The following ZC3H12B variants were observed in gnomAD, a reference collection of about 807,000 sequenced individuals.
The protein encoded by ZC3H12B is probable ribonuclease ZC3H12B.
Under a neutral mutation model 43.9 loss-of-function variants are expected in ZC3H12B, and 7 were observed. That is an observed-to-expected ratio of 0.16 (90% CI 0.09 to 0.30). The LOEUF is 0.30. Among genes scored for constraint, ZC3H12B ranks in the 10% least tolerant of loss-of-function variants. The pLI is 1.00. For synonymous variants in ZC3H12B, 222 were observed against 241.7 expected, an observed-to-expected ratio of 0.92 and a Z score of 0.76; for missense variants, 475 against 670.2, an observed-to-expected ratio of 0.71 and a Z score of 3.22.
chrX:65,105,430 G>T, the ZC3H12B span, among the ~76,000 whole-genome samples: 1 of 111,161 alleles, frequency 9.0e-6, no homozygotes, highest in East Asian at 2.8e-4. Flanking sequence ...TTTAAAAAAA[G>T]AATACAGGAA....
At chrX:65,433,265 A>G (rs1409351351) in intron 3 of ZC3H12B, among the ~76,000 whole-genome samples, 1 of 112,206 alleles carries the variant, frequency 8.9e-6, no homozygotes, top group African/African-American at 3.2e-5. Context: ...TTGAATAGTG[A>G]TGCGATGAGA....
chrX:65,472,825 GATATATATAT>G (rs58372328), intron 3 of ZC3H12B, among the ~76,000 whole-genome samples: 21 of 31,583 alleles, frequency 6.6e-4, no homozygotes, highest in Admixed American at 1.3e-3. Flanking sequence ...CCATACCTTT[GATATATATAT>G]ATATATATAT....
chrX:65,458,085 T>TAAAAAAAAAAAAAAAAAAG (rs59738258), intron 3 of ZC3H12B, among the ~76,000 whole-genome samples: 3 of 49,079 alleles, frequency 6.1e-5, no homozygotes, highest in Admixed American at 2.3e-4. Context: ...AAAAAAAAAT[T>TAAAAAAAAAAAAAAAAAAG]AAAAAAAAAA....
At chrX:65,247,373 A>G in the ZC3H12B span, among the ~76,000 whole-genome samples, 2 of 112,173 alleles carry the variant, frequency 1.8e-5, no homozygotes, top group East Asian at 5.6e-4. Flanking sequence ...TTGACTCAGC[A>G]ATTCCATTAC....
At chrX:65,144,999 A>G in the ZC3H12B span, among the ~76,000 whole-genome samples, 5 of 111,915 alleles carry the variant, frequency 4.5e-5, no homozygotes, top group African/African-American at 9.7e-5. Flanking sequence ...GTTCCAGAGT[A>G]TAGTTTAAAT....
the ZC3H12B span, among the ~76,000 whole-genome samples, chrX:65,096,500 G>T: frequency 8.9e-6 from 1 of 112,252 alleles, no homozygotes; most frequent in African/African-American, 3.2e-5. Context: ...AGAAAGGCTG[G>T]ATAGAAATGA....
chrX:65,480,622 G>C (rs1207474733), intron 3 of ZC3H12B, among the ~76,000 whole-genome samples: 1 of 111,726 alleles, frequency 9.0e-6, no homozygotes, highest in Admixed American at 9.5e-5. Flanking sequence ...TGAGGGGGGC[G>C]GATCACCTGA....
At chrX:65,126,743 C>T in the ZC3H12B span, among the ~76,000 whole-genome samples, 1 of 101,778 alleles carries the variant, frequency 9.8e-6, no homozygotes, top group African/African-American at 3.7e-5. Context: ...AAAGCCTTGT[C>T]TTCAAGCTCT....
At chrX:65,172,557 G>T in the ZC3H12B span, among the ~76,000 whole-genome samples, 1 of 111,869 alleles carries the variant, frequency 8.9e-6, no homozygotes, top group African/African-American at 3.3e-5. Context: ...TATGGTTTTG[G>T]GTTTTACACT....
exon 1 of ZC3H12B, chrX:65,488,960 TAGCGACAACAGCAAG>T: frequency 8.3e-7 from 1 of 1,209,842 alleles, no homozygotes; most frequent in Non-Finnish European, 1.1e-6. Flanking sequence ...GCCTTAAGAG[TAGCGACAACAGCAAG>T]AGCTGCCAAC....
At chrX:65,431,564 A>G (rs1262807774) in intron 3 of ZC3H12B, among the ~76,000 whole-genome samples, 1 of 112,390 alleles carries the variant, frequency 8.9e-6, no homozygotes, top group Admixed American at 9.4e-5. Context: ...AAAGATGCTG[A>G]TGGATATTTA....
At chrX:65,171,548 A>T in the ZC3H12B span, among the ~76,000 whole-genome samples, 1 of 110,973 alleles carries the variant, frequency 9.0e-6, no homozygotes, top group Non-Finnish European at 1.9e-5. Context: ...TTGCTGTGAG[A>T]AGCACTACTC....
intron 2 of ZC3H12B, among the ~76,000 whole-genome samples, chrX:65,394,617 G>A (rs1376734638): frequency 1.8e-5 from 2 of 111,772 alleles, no homozygotes; most frequent in Non-Finnish European, 3.8e-5. Context: ...TTGTAGTATA[G>A]TTTGAAGTCA....
intron 3 of ZC3H12B, among the ~76,000 whole-genome samples, chrX:65,409,556 CCACACACACACACACACACACA>C (rs149933064): frequency 1.1e-5 from 1 of 87,659 alleles, no homozygotes; most frequent in African/African-American, 4.1e-5. Context: ...CCTAAAGACT[CCACACACACACACACACACACA>C]CACACACACA....
chrX:65,229,073 C>T, the ZC3H12B span, among the ~76,000 whole-genome samples: 1 of 110,323 alleles, frequency 9.1e-6, no homozygotes, highest in Admixed American at 9.7e-5. Flanking sequence ...CCCACATCGC[C>T]AAGTCAATCC....
intron 2 of ZC3H12B, among the ~76,000 whole-genome samples, chrX:65,389,907 G>C (rs1335229831): frequency 1.8e-5 from 2 of 111,965 alleles, no homozygotes; most frequent in Non-Finnish European, 3.8e-5. Flanking sequence ...TCATTACTGG[G>C]TATATACCCA....
At chrX:65,337,002 C>A in the ZC3H12B span, among the ~76,000 whole-genome samples, 1 of 112,340 alleles carries the variant, frequency 8.9e-6, no homozygotes, top group Non-Finnish European at 1.9e-5. Flanking sequence ...CTCCACCCCA[C>A]TAAATATTTG....
At chrX:65,380,768 C>T (rs1174680389) in intron 2 of ZC3H12B, among the ~76,000 whole-genome samples, 2 of 111,341 alleles carry the variant, frequency 1.8e-5, no homozygotes, top group African/African-American at 6.5e-5. Context: ...GGAAGATCTA[C>T]CAAACAAATG....
chrX:65,421,836 C>A (rs1371643879), intron 3 of ZC3H12B, among the ~76,000 whole-genome samples: 1 of 109,947 alleles, frequency 9.1e-6, no homozygotes, highest in Non-Finnish European at 1.9e-5. Context: ...GTAGTCCCAG[C>A]ACTCGGGAGG....
Sources: gnomAD v4.1 joint callset for allele counts (sites outside exome capture counted in the v4.1 genomes callset) on GRCh38, gnomAD v4.1.1 for gene constraint, MANE v1.5 for transcripts, NCBI Gene and HGNC (gene_info 2026-07-23, HGNC 2026-07-21) for gene names.